Variants in GLYATL3 observed in about 807,000 individuals in gnomAD.
GLYATL3 encodes glycine N-acyltransferase-like protein 3.
A neutral mutation model predicts 28.5 loss-of-function variants in GLYATL3; 31 were observed. The observed-to-expected ratio is 1.09, with a 90% CI of 0.82 to 1.47. The LOEUF (loss-of-function observed/expected upper bound fraction) is 1.47. GLYATL3 is among the 40% of genes most tolerant of loss of function. GLYATL3 has a pLI of 0.00. For missense variants in GLYATL3, 369 were observed against 351.5 expected (o/e 1.05, Z -0.40); for synonymous variants, 141 against 140.2 (o/e 1.01, Z -0.04).
chr6:49,521,692 A>T lies in GLYATL3; in HGVS notation c.361A>T (p.Lys121Ter). 1 of 1,550,650 alleles carries T rather than the reference A, an allele frequency of 6.4e-7. No homozygotes were observed. The highest frequency in any genetic ancestry group is 1.2e-5 in the South Asian group (1 of 84,028). The change falls in exon 5 of 6, where the codon AAG becomes TAG. Residue 121 changes from lysine to a stop codon, truncating the protein, a stop_gained. Transcript: ENST00000371197. LOFTEE classifies it high-confidence loss of function. ...YDVSKAVANSKQLNIKLTSFK... is the reference protein window; with the variant it reads ...YDVSKAVANS Reference sequence around the variant, plus strand: ...TGTTTCCAAAGCGGTTGCCAATTCAAAGCAGTTGAATATAAAGCTAACTTC... The same window carrying T: ...TGTTTCCAAAGCGGTTGCCAATTCATAGCAGTTGAATATAAAGCTAACTTC...
At chr6:49,521,055 A>T (rs996158281) in intron 4 of GLYATL3, among the ~76,000 whole-genome samples, 1 of 152,162 alleles carries the variant, frequency 6.6e-6, no homozygotes, top group Non-Finnish European at 1.5e-5. Flanking sequence ...ATTTTTGTGT[A>T]CCACTATGAA....
intron 4 of GLYATL3, among the ~76,000 whole-genome samples, chr6:49,520,831 A>G (rs1769300150): frequency 6.6e-6 from 1 of 152,162 alleles, no homozygotes; most frequent in Non-Finnish European, 1.5e-5. Flanking sequence ...ACCTGGACTT[A>G]TAGGGAGACC....
intron 5 of GLYATL3, among the ~76,000 whole-genome samples, chr6:49,523,094 T>C (rs1206285199): frequency 1.3e-5 from 2 of 151,882 alleles, no homozygotes; most frequent in Non-Finnish European, 2.9e-5. Flanking sequence ...TCAGCAAATA[T>C]ACTCACGGCT....
intron 1 of GLYATL3, among the ~76,000 whole-genome samples, chr6:49,506,944 TAGGGGAG>T (rs1769021641): frequency 6.6e-6 from 1 of 151,904 alleles, no homozygotes; most frequent in South Asian, 2.1e-4. Context: ...AGGCTTAGAA[TAGGGGAG>T]AGGTCCAAAA....
chr6:49,512,482 A>G (rs919014735), intron 2 of GLYATL3, among the ~76,000 whole-genome samples: 1 of 152,008 alleles, frequency 6.6e-6, no homozygotes, highest in African/African-American at 2.4e-5. Context: ...TACACTTTTC[A>G]TAGTCACCTG....
chr6:49,505,379 A>T (rs1581865000), intron 1 of GLYATL3, among the ~76,000 whole-genome samples: 2 of 152,354 alleles, frequency 1.3e-5, no homozygotes, highest in East Asian at 3.9e-4. Flanking sequence ...GGCTGACTAA[A>T]ATCCTGTAAT....
intron 5 of GLYATL3, among the ~76,000 whole-genome samples, chr6:49,523,576 C>T (rs1769352280): frequency 6.6e-6 from 1 of 152,216 alleles, no homozygotes; most frequent in Non-Finnish European, 1.5e-5. Context: ...CAGACACCAA[C>T]CAAGGGTCAA....
At chr6:49,509,002 A>G (rs1482193350) in intron 1 of GLYATL3, among the ~76,000 whole-genome samples, 2 of 103,134 alleles carry the variant, frequency 1.9e-5, no homozygotes, top group African/African-American at 2.9e-5. Context: ...TAAATTAATA[A>G]TAAATAAAAA....
At position 49,515,779 on chromosome 6, in the gene GLYATL3, A is replaced by C. The variant is rs1230193809; in HGVS notation, c.186+19A>C. On this transcript the variant is annotated intron_variant, in intron 3 of 5. Transcript: ENST00000371197. ...AAGAGAGGTACAGTTTTGAAAGGTA[A>C]AAAGTTTAAAAATAATAAGAATTGG... 1 of 1,376,392 alleles carries C rather than the reference A, an allele frequency of 7.3e-7. No homozygotes were observed. Among genetic ancestry groups the C allele is most frequent in the East Asian group, 2.5e-5 (1 of 40,072 alleles). The allele number at this position is 1,376,392 out of a possible 1,614,324, so 85.3% of individuals were successfully genotyped here.
At position 49,526,815 on chromosome 6, in the gene GLYATL3, T is replaced by C; in HGVS notation, c.768T>C (p.Ser256=). 6.4e-7 allele frequency: 1 copy of C among 1,552,186 alleles called. No individual in the cohort carries two copies. The highest frequency in any genetic ancestry group is 8.7e-7 in the Non-Finnish European group (1 of 1,147,074). Residue 256 remains serine, a synonymous_variant, in exon 6 of 6, where the codon TCT becomes TCC. Coordinates refer to ENST00000371197, the MANE Select transcript of GLYATL3 (RefSeq NM_001010904.2). ...QGNVLDDNTA[S]ISLLKSLHAE... ...ACGTCCTGGATGACAACACGGCGTCTATAAGCCTCCTGAAGAGTCTCCATG... is the reference window on the plus strand; with the variant it reads ...ACGTCCTGGATGACAACACGGCGTCCATAAGCCTCCTGAAGAGTCTCCATG...
At chr6:49,517,673 GT>G in intron 4 of GLYATL3, 117 bp downstream of exon 4, 1 of 649,372 alleles carries the variant, frequency 1.5e-6, no homozygotes, top group Non-Finnish European at 2.4e-6. Flanking sequence ...ATACACACCT[GT>G]ATGTATAAAT....
In GLYATL3 at chr6:49,521,732, A is replaced by C; in HGVS notation, c.401A>C (p.His134Pro). The C allele has an allele frequency of 6.4e-7, 1 of 1,551,416 alleles. No homozygotes were observed. Among genetic ancestry groups the C allele is most frequent in the Non-Finnish European group, 8.7e-7 (1 of 1,146,850 alleles). The change falls in exon 5 of 6, where the codon CAT becomes CCT. Residue 134 changes from histidine to proline, a missense_variant. Transcript: ENST00000371197. ...AAGCTAACTTCCTTCAAGGCTGTTC[A>C]TTTTTCTCCTGTTTCATCTCTGCCA... The part of the protein sequence containing the change: ...NIKLTSFKAV[H>P]FSPVSSLPDT...
intron 1 of GLYATL3, among the ~76,000 whole-genome samples, chr6:49,510,127 C>G (rs1249556205): frequency 6.6e-6 from 1 of 151,856 alleles, no homozygotes; most frequent in Non-Finnish European, 1.5e-5. Flanking sequence ...CTCGCAACCT[C>G]CGCCTCCCAG....
chr6:49,527,838 G>A lies in GLYATL3; in HGVS notation c.*924G>A, dbSNP rs1769451454. Reference sequence around the variant, plus strand: ...TACATTCTCTTCATTTCTTTTATATGTATAGGTATATACTCATAGAATTTT... The same window carrying A: ...TACATTCTCTTCATTTCTTTTATATATATAGGTATATACTCATAGAATTTT... On this transcript the variant is annotated 3_prime_UTR_variant, in exon 6 of 6. Coordinates refer to ENST00000371197, the MANE Select transcript of GLYATL3 (RefSeq NM_001010904.2). Among the ~76,000 whole-genome samples the A allele has an allele frequency of 6.6e-6, 1 of 151,886 alleles. No individual in the cohort carries two copies. Among genetic ancestry groups the A allele is most frequent in the African/African-American group, 2.4e-5 (1 of 41,326 alleles).
chr6:49,518,297 A>T (rs187209616), intron 4 of GLYATL3, among the ~76,000 whole-genome samples: 11 of 152,350 alleles, frequency 7.2e-5, no homozygotes, highest in African/African-American at 2.2e-4. Flanking sequence ...CGGCATGGCC[A>T]TCAGGGCTTG....
chr6:49,502,354 G>T (rs1768930302), intron 1 of GLYATL3, among the ~76,000 whole-genome samples: 1 of 152,132 alleles, frequency 6.6e-6, no homozygotes. Context: ...TTCAGCACTG[G>T]GTAAAGCAGT....
At chr6:49,526,044 G>A (rs1213150348) in intron 5 of GLYATL3, among the ~76,000 whole-genome samples, 3 of 152,148 alleles carry the variant, frequency 2.0e-5, no homozygotes, top group Admixed American at 2.0e-4. Flanking sequence ...TTGGTAAATC[G>A]GGAATGGTGG....
chr6:49,521,711 T>A lies in GLYATL3; in HGVS notation c.380T>A (p.Leu127Gln). The A allele has an allele frequency of 6.4e-7, 1 of 1,551,180 alleles. No homozygotes were observed. The highest frequency in any genetic ancestry group is 8.7e-7 in the Non-Finnish European group (1 of 1,146,512). The change falls in exon 5 of 6, where the codon CTA becomes CAA. Residue 127 changes from leucine (L) to glutamine (Q), a missense_variant. By Grantham distance (113) the Leu-to-Gln change is moderately radical. Transcript: ENST00000371197. ...AATTCAAAGCAGTTGAATATAAAGCTAACTTCCTTCAAGGCTGTTCATTTT... is the reference window on the plus strand; with the variant it reads ...AATTCAAAGCAGTTGAATATAAAGCAAACTTCCTTCAAGGCTGTTCATTTT... ...VANSKQLNIK[L>Q]TSFKAVHFSP...
chr6:49,506,627 C>T (rs546643914), intron 1 of GLYATL3, among the ~76,000 whole-genome samples: 70 of 152,226 alleles, frequency 4.6e-4, no homozygotes, highest in African/African-American at 1.7e-3. Context: ...ACTGCATTAA[C>T]AGCTCTTAAA....
Sources: gnomAD v4.1 joint callset for allele counts (sites outside exome capture counted in the v4.1 genomes callset) on GRCh38, gnomAD v4.1.1 for gene constraint, MANE v1.5 for transcripts, NCBI Gene and HGNC (gene_info 2026-07-23, HGNC 2026-07-21) for gene names.